The following PAK1 variants were observed in gnomAD, a reference collection of about 807,000 sequenced individuals.
PAK1 encodes serine/threonine-protein kinase PAK 1.
PAK1 carries 29 observed loss-of-function variants against 67.4 expected under a neutral mutation model. The observed-to-expected ratio is 0.43, with a 90% CI of 0.32 to 0.59. The LOEUF is 0.59. Ranked by LOEUF, PAK1 falls within the 20% of genes least tolerant of loss-of-function variation. The pLI, the probability that PAK1 is intolerant of heterozygous loss-of-function variation, is 0.07. For missense variants in PAK1, 337 were observed against 670.7 expected (o/e 0.50, Z 5.50); for synonymous variants, 223 against 237.4 (o/e 0.94, Z 0.56).
chr11:77,394,164 C>A (rs889571775), intron 1 of PAK1, among the ~76,000 whole-genome samples: 1 of 152,152 alleles, frequency 6.6e-6, no homozygotes, highest in Non-Finnish European at 1.5e-5. Flanking sequence ...AGAAATTATA[C>A]ATTTAACCAT....
the PAK1 span, among the ~76,000 whole-genome samples, chr11:77,481,673 C>CA: frequency 0.041 from 3,895 of 94,302 alleles, 226 homozygotes; most frequent in African/African-American, 0.12. Flanking sequence ...GACTCCATCT[C>CA]AAAAAAAAAA....
chr11:77,438,999 G>A (rs1325323983), intron 1 of PAK1, among the ~76,000 whole-genome samples: 1 of 152,212 alleles, frequency 6.6e-6, no homozygotes, highest in East Asian at 1.9e-4. Context: ...CAGAGTGGAA[G>A]AGTCACACCC....
the PAK1 span, among the ~76,000 whole-genome samples, chr11:77,524,710 TGAAA>T: frequency 6.6e-6 from 1 of 152,176 alleles, no homozygotes; most frequent in Non-Finnish European, 1.5e-5. Context: ...GGGTGCTTGT[TGAAA>T]GAATGAATGA....
chr11:77,391,241 T>C (rs1204643398), intron 2 of PAK1, among the ~76,000 whole-genome samples: 1 of 152,224 alleles, frequency 6.6e-6, no homozygotes, highest in Non-Finnish European at 1.5e-5. Context: ...TGCCTCCCAG[T>C]TTCTATTCAT....
At chr11:77,406,822 T>C (rs1265399941) in intron 1 of PAK1, among the ~76,000 whole-genome samples, 1 of 151,946 alleles carries the variant, frequency 6.6e-6, no homozygotes, top group Non-Finnish European at 1.5e-5. Flanking sequence ...AACACCAAGA[T>C]TTACTAGACC....
intron 1 of PAK1, among the ~76,000 whole-genome samples, chr11:77,414,130 A>T (rs1409047821): frequency 3.9e-5 from 6 of 152,250 alleles, no homozygotes; most frequent in Non-Finnish European, 7.3e-5. Flanking sequence ...AGGGCAAGTC[A>T]CATTAAAGGC....
At chr11:77,478,469 T>C (rs1958083088), upstream of PAK1, among the ~76,000 whole-genome samples, 2 of 152,136 alleles carry the variant, frequency 1.3e-5, no homozygotes, top group Non-Finnish European at 1.5e-5. Flanking sequence ...CAATGAAGAA[T>C]AGTATTTAAA....
At chr11:77,495,784 A>C in the PAK1 span, among the ~76,000 whole-genome samples, 11 of 152,358 alleles carry the variant, frequency 7.2e-5, no homozygotes, top group African/African-American at 2.6e-4. Flanking sequence ...GAAATAAGAC[A>C]GTCAAGAAAT....
intron 7 of PAK1, among the ~76,000 whole-genome samples, chr11:77,354,254 TC>T (rs61283992): frequency 6.6e-6 from 1 of 151,834 alleles, no homozygotes; most frequent in Non-Finnish European, 1.5e-5. Flanking sequence ...AGAAGATACT[TC>T]CCCCCCAAGG....
At chr11:77,357,920 T>G (rs1419879223) in intron 6 of PAK1, among the ~76,000 whole-genome samples, 2 of 152,142 alleles carry the variant, frequency 1.3e-5, no homozygotes, top group African/African-American at 4.8e-5. Flanking sequence ...AATGAACATG[T>G]CTACAAACCA....
intron 1 of PAK1, among the ~76,000 whole-genome samples, chr11:77,408,532 TACACACAC>T (rs377689850): frequency 4.8e-4 from 66 of 137,946 alleles, no homozygotes; most frequent in Admixed American, 1.2e-3. Context: ...TATGGAGAAA[TACACACAC>T]ACACACACAC....
chr11:77,485,096 A>T, the PAK1 span, among the ~76,000 whole-genome samples: 2 of 152,198 alleles, frequency 1.3e-5, no homozygotes, highest in Admixed American at 6.5e-5. Flanking sequence ...TCCTTCCCAC[A>T]TCACTTGGGA....
chr11:77,451,723 C>T (rs1285768422), intron 1 of PAK1, among the ~76,000 whole-genome samples: 2 of 150,806 alleles, frequency 1.3e-5, no homozygotes, highest in Admixed American at 6.6e-5. Context: ...CCTCAGCCTC[C>T]CGAGTAGCTG....
intron 1 of PAK1, among the ~76,000 whole-genome samples, chr11:77,459,475 C>T (rs1375074974): frequency 1.3e-5 from 2 of 152,192 alleles, no homozygotes; most frequent in East Asian, 3.9e-4. Context: ...AGAGCTTATT[C>T]ATTCTGCAAA....
intron 13 of PAK1, among the ~76,000 whole-genome samples, chr11:77,335,197 A>G (rs1452438987): frequency 6.6e-6 from 1 of 152,062 alleles, no homozygotes; most frequent in Non-Finnish European, 1.5e-5. Flanking sequence ...CTTTTCTTTA[A>G]CTGTACTCAT....
At position 77,332,726 on chromosome 11, in the gene PAK1, T is replaced by C; in HGVS notation, c.1551+4A>G. 1 of 1,613,154 alleles carries C rather than the reference T, an allele frequency of 6.2e-7. No homozygotes were observed. Among genetic ancestry groups the C allele is most frequent in the Middle Eastern group, 1.7e-4 (1 of 6,028 alleles). On this transcript the variant is annotated splice_donor_region_variant and intron_variant, in intron 14 of 14. Coordinates refer to ENST00000356341, the MANE Select transcript of PAK1 (RefSeq NM_002576.5). ...TAGGTGCTTCCCTGCATAAGGACAG[T>C]TACCTGTAGCAGCTCTTTAGCTGAA... is the stretch of plus-strand genomic sequence containing the variant.
intron 1 of PAK1, among the ~76,000 whole-genome samples, chr11:77,434,699 AC>A (rs1363008463): frequency 6.6e-6 from 1 of 151,970 alleles, no homozygotes; most frequent in Non-Finnish European, 1.5e-5. Flanking sequence ...GCTCACTGCA[AC>A]CTCTGCCTCC....
upstream of PAK1, among the ~76,000 whole-genome samples, chr11:77,478,704 C>T (rs1351545768): frequency 1.3e-5 from 2 of 151,266 alleles, no homozygotes; most frequent in Non-Finnish European, 2.9e-5. Context: ...TGCTTGAGCC[C>T]GGGAGGCAGA....
chr11:77,356,080 T>C (rs921236997), intron 6 of PAK1: 3 of 385,146 alleles, frequency 7.8e-6, no homozygotes, highest in Non-Finnish European at 1.4e-5. Context: ...AGATATTCAA[T>C]AGAGGCTAGA....
Sources: gnomAD v4.1 joint callset for allele counts (sites outside exome capture counted in the v4.1 genomes callset) on GRCh38, gnomAD v4.1.1 for gene constraint, MANE v1.5 for transcripts, NCBI Gene and HGNC (gene_info 2026-07-23, HGNC 2026-07-21) for gene names.